Variants in CADPS2 observed in about 807,000 individuals in gnomAD.
CADPS2 encodes the protein calcium dependent secretion activator 2.
A neutral mutation model predicts 172.5 loss-of-function variants in CADPS2; 93 were observed. The observed-to-expected ratio is 0.54, with a 90% CI of 0.46 to 0.64. The LOEUF (loss-of-function observed/expected upper bound fraction) is 0.64, where lower values mean the gene tolerates loss of function less well. Among genes scored for constraint, CADPS2 ranks in the 30% least tolerant of loss-of-function variants. The probability of loss-of-function intolerance (pLI) is 0.00; values close to 1 mark genes in which losing one functional copy is unlikely to be tolerated. For synonymous variants in CADPS2, 546 were observed against 555.2 expected (o/e 0.98, Z 0.23); for missense variants, 1,420 against 1,565.9 (o/e 0.91, Z 1.57).
chr7:122,704,669 T>A (rs1324725839), intron 2 of CADPS2, among the ~76,000 whole-genome samples: 1 of 152,062 alleles, frequency 6.6e-6, no homozygotes, highest in Non-Finnish European at 1.5e-5. Flanking sequence ...TTTCTCATTA[T>A]AATATAAAGT....
chr7:122,647,190 A>G (rs914998611), intron 3 of CADPS2, among the ~76,000 whole-genome samples: 3 of 151,392 alleles, frequency 2.0e-5, no homozygotes, highest in African/African-American at 4.8e-5. Context: ...CAGTAAGCGC[A>G]GTGAACTTGT....
intron 3 of CADPS2, among the ~76,000 whole-genome samples, chr7:122,644,694 T>C (rs2078108145): frequency 6.6e-6 from 1 of 152,158 alleles, no homozygotes; most frequent in Admixed American, 6.5e-5. Context: ...TTCTTAATCA[T>C]TGAGAATTAG....
intron 2 of CADPS2, among the ~76,000 whole-genome samples, chr7:122,717,023 T>A (rs78635001): frequency 0.01 from 1,535 of 152,268 alleles, 25 homozygotes; most frequent in African/African-American, 0.034. Context: ...CCCAACAAAA[T>A]TTGCCACTTA....
intron 1 of CADPS2, among the ~76,000 whole-genome samples, chr7:122,818,098 G>A (rs574925739): frequency 2.1e-4 from 32 of 151,138 alleles, no homozygotes; most frequent in Non-Finnish European, 4.0e-4. Flanking sequence ...TACTTTTCTG[G>A]AAGGTAAGAA....
At chr7:122,749,463 C>A (rs1404624072) in intron 1 of CADPS2, among the ~76,000 whole-genome samples, 8 of 152,238 alleles carry the variant, frequency 5.3e-5, no homozygotes. Context: ...AAGACTGAGA[C>A]TACCACCTTC....
At chr7:122,662,375 CTTTT>C (rs57852366) in intron 3 of CADPS2, among the ~76,000 whole-genome samples, 14 of 127,706 alleles carry the variant, frequency 1.1e-4, no homozygotes, top group Admixed American at 1.6e-4. Context: ...TCCTTCCCTG[CTTTT>C]TTTTTTTTTT....
chr7:122,526,541 A>G (rs2061253292), intron 8 of CADPS2, among the ~76,000 whole-genome samples: 1 of 152,222 alleles, frequency 6.6e-6, no homozygotes, highest in South Asian at 2.1e-4. Context: ...ACTCCTCTGT[A>G]CAAATACTCT....
At chr7:122,790,198 G>A (rs1794982740) in intron 1 of CADPS2, among the ~76,000 whole-genome samples, 1 of 151,514 alleles carries the variant, frequency 6.6e-6, no homozygotes, top group South Asian at 2.1e-4. Flanking sequence ...GGAGTTTGAG[G>A]CCAGCCTGGG....
chr7:122,451,380 T>C lies in CADPS2; in HGVS notation c.2282A>G (p.His761Arg). ...LSSLLENQIS[H>R]FRYCFPFGRP... is the part of the protein sequence containing the mutation. ...TTAATAAAAAAATATATACCTGAAA[T>C]GGCTTATCTGATTTTCTAAAAGGGA... The change falls in exon 15 of 30, where the codon CAT becomes CGT. Residue 761 changes from histidine (H) to arginine (R), a missense_variant. Transcript: ENST00000449022. The C allele has an allele frequency of 4.1e-6, 6 of 1,458,114 alleles. No homozygotes were observed. The highest frequency in any genetic ancestry group is 5.6e-6 in the Non-Finnish European group (6 of 1,080,524). The allele number at this position is 1,458,114 out of a possible 1,614,324, so 90.3% of individuals were successfully genotyped here. A position where few individuals can be genotyped will look rare whatever the true frequency, so the allele number is the denominator to read the frequency against.
chr7:122,395,598 T>C (rs2044983870), intron 20 of CADPS2: 1 of 152,164 alleles, frequency 6.6e-6, no homozygotes, highest in African/African-American at 2.4e-5. Context: ...AAGGATAAAA[T>C]ATTCTCACTC....
At chr7:122,451,140 T>C (rs2152037159) in intron 15 of CADPS2, among the ~76,000 whole-genome samples, 1 of 152,044 alleles carries the variant, frequency 6.6e-6, no homozygotes, top group African/African-American at 2.4e-5. Flanking sequence ...AAGTAAGAGG[T>C]GCAGTGGAAC....
intron 3 of CADPS2, among the ~76,000 whole-genome samples, chr7:122,640,760 T>A (rs2077547715): frequency 6.6e-6 from 1 of 151,868 alleles, no homozygotes; most frequent in Admixed American, 6.6e-5. Context: ...TGAAACCACG[T>A]CTCTACTAAA....
chr7:122,477,780 CT>C (rs1194547308), intron 12 of CADPS2, among the ~76,000 whole-genome samples: 2 of 152,074 alleles, frequency 1.3e-5, no homozygotes, highest in African/African-American at 4.8e-5. Flanking sequence ...CACGTAGCTA[CT>C]TTTTTTGTGA....
At chr7:122,503,176 C>T (rs1308992493) in intron 9 of CADPS2, among the ~76,000 whole-genome samples, 1 of 151,830 alleles carries the variant, frequency 6.6e-6, no homozygotes, top group Middle Eastern at 3.2e-3. Context: ...GGATTACAGG[C>T]ACGTGCCACC....
intron 8 of CADPS2, among the ~76,000 whole-genome samples, chr7:122,551,383 G>C (rs2064266109): frequency 6.6e-6 from 1 of 151,892 alleles, no homozygotes; most frequent in Non-Finnish European, 1.5e-5. Flanking sequence ...ACTGTGGGAG[G>C]CATTGAGAAT....
intron 24 of CADPS2, among the ~76,000 whole-genome samples, chr7:122,384,882 G>A (rs2043437209): frequency 1.3e-5 from 2 of 152,000 alleles, no homozygotes; most frequent in South Asian, 4.1e-4. Context: ...TTTCTTACAG[G>A]GGAGGATTTT....
chr7:122,869,239 C>A (rs1265293713), intron 1 of CADPS2, among the ~76,000 whole-genome samples: 1 of 151,878 alleles, frequency 6.6e-6, no homozygotes, highest in East Asian at 1.9e-4. Context: ...CAGAGACCCA[C>A]AATAAGACAC....
In CADPS2 at chr7:122,762,029, T is replaced by TAC. The variant is rs55789434; in HGVS notation, c.340-24963_340-24962dup. Among the ~76,000 whole-genome samples the TAC allele has an allele frequency of 5.3e-3, 653 of 124,238 alleles. 1 individual carries two copies. Among genetic ancestry groups the TAC allele is most frequent in the Non-Finnish European group, 8.1e-3 (511 of 62,994 alleles). The allele number at this position is 124,238 out of a possible 152,430, so 81.5% of individuals were successfully genotyped here. A position where few individuals can be genotyped will look rare whatever the true frequency, so the allele number is the denominator to read the frequency against. ...AAAAAAAAAAATATATATATATATA[T>TAC]ACACACACACACACACACACACACA... is the stretch of plus-strand genomic sequence containing the variant. On this transcript the variant is annotated intron_variant, in intron 1 of 29. Coordinates refer to ENST00000449022, the MANE Select transcript of CADPS2 (RefSeq NM_017954.11).
At chr7:122,617,253 T>C (rs2075028802) in intron 5 of CADPS2, among the ~76,000 whole-genome samples, 1 of 152,178 alleles carries the variant, frequency 6.6e-6, no homozygotes, top group Admixed American at 6.5e-5. Context: ...ATCGTCATTT[T>C]CAAAAGATAC....
Sources: allele counts gnomAD v4.1 joint callset (sites outside exome capture counted in the v4.1 genomes callset), GRCh38; gene constraint gnomAD v4.1.1; transcripts MANE v1.5; gene names NCBI Gene and HGNC (gene_info 2026-07-23, HGNC 2026-07-21).